Variants in SUDS3 observed in about 807,000 individuals in gnomAD.
SUDS3 encodes SIN3A corepressor complex component SDS3, also known as sin3 histone deacetylase corepressor complex component SDS3.
Under a neutral mutation model 53.5 loss-of-function variants are expected in SUDS3, and 23 were observed. That is an observed-to-expected ratio of 0.43 (90% confidence interval 0.31 to 0.61). SUDS3 has a LOEUF of 0.61. Ranked by LOEUF, SUDS3 falls within the 20% of genes least tolerant of loss-of-function variation. The pLI, the probability that SUDS3 is intolerant of heterozygous loss-of-function variation, is 0.10. For synonymous variants in SUDS3, 150 were observed against 148.5 expected (o/e 1.01, Z -0.08); for missense variants, 291 against 405.9 (o/e 0.72, Z 2.43).
At chr12:118,398,470 G>GGT (rs143847475) in intron 6 of SUDS3, among the ~76,000 whole-genome samples, 4,131 of 150,922 alleles carry the variant, frequency 0.027, 185 homozygotes, top group African/African-American at 0.092. Context: ...ACTTGTTTCT[G>GGT]GTGTGTGTGT....
intron 10 of SUDS3, among the ~76,000 whole-genome samples, chr12:118,407,055 C>A (rs767952540): frequency 6.6e-5 from 10 of 151,838 alleles, no homozygotes; most frequent in Non-Finnish European, 1.5e-4. Context: ...CATTACCATG[C>A]CTGGCTAATG....
Position 118,376,672 on chromosome 12 carries a change from C to T in SUDS3, c.-20C>T, listed in dbSNP as rs1225386368. The T allele has an allele frequency of 4.1e-6, 6 of 1,467,190 alleles. No homozygotes were observed. Among genetic ancestry groups the T allele is most frequent in the African/African-American group, 3.0e-5 (2 of 67,778 alleles). 90.9% of individuals were successfully genotyped at this position (1,467,190 alleles called of 1,614,324 possible). A position where few individuals can be genotyped will look rare whatever the true frequency, so the allele number is the denominator to read the frequency against. On this transcript the variant is annotated 5_prime_UTR_variant, in exon 1 of 12. Coordinates refer to ENST00000543473, the MANE Select transcript of SUDS3 (RefSeq NM_022491.3). ...GGCCGCGGTGTCCGTGGGCCACGCT[C>T]AGCTGCGGTCAGAGGCGACATGAGT...
rs1242359207 is a variant in SUDS3, at chr12:118,416,108, G to A, written c.*1675G>A. The A allele has an allele frequency of 6.6e-6, 1 of 152,178 alleles. No individual in the cohort carries two copies. The highest frequency in any genetic ancestry group is 2.4e-5 in the African/African-American group (1 of 41,454). 9.4% of individuals were successfully genotyped at this position (152,178 alleles called of 1,614,324 possible). ...AGGCTTCACCTGTTCTTGTTTGTTAGCCTTGACTGTGAGGCAGGACTTCCC... is the reference window on the plus strand; with the variant it reads ...AGGCTTCACCTGTTCTTGTTTGTTAACCTTGACTGTGAGGCAGGACTTCCC... On this transcript the variant is annotated 3_prime_UTR_variant, in exon 12 of 12. Transcript: ENST00000543473.
At chr12:118,390,713 T>C (rs1400215743) in intron 5 of SUDS3, among the ~76,000 whole-genome samples, 1 of 152,232 alleles carries the variant, frequency 6.6e-6, no homozygotes, top group African/African-American at 2.4e-5. Context: ...ATGTATACTT[T>C]GGGGTTCAGG....
In SUDS3 at chr12:118,380,200, G is replaced by A. The variant is rs751330932; in HGVS notation, c.181G>A (p.Asp61Asn). The change falls in exon 2 of 12, where the codon GAT becomes AAT. Residue 61 changes from aspartate to asparagine, a missense_variant. Around this residue, in one of 4 missense-constraint regions of SUDS3, gnomAD observed 149 missense variants for 146.5 expected, o/e 1.02. Transcript: ENST00000543473. ...TAGTGAAACTGACCTGGCAAAGCAT[G>A]ATGAAGAAGACTATGTAGAAATGAA... ...DASETDLAKHDEEDYVEMKEQ... is the reference protein window; with the variant it reads ...DASETDLAKHNEEDYVEMKEQ... The A allele has an allele frequency of 6.2e-7, 1 of 1,608,966 alleles. No homozygotes were observed. Among genetic ancestry groups the A allele is most frequent in the Non-Finnish European group, 8.5e-7 (1 of 1,177,700 alleles).
At chr12:118,382,577 G>A (rs1399194105) in intron 2 of SUDS3, among the ~76,000 whole-genome samples, 1 of 152,000 alleles carries the variant, frequency 6.6e-6, no homozygotes, top group Non-Finnish European at 1.5e-5. Flanking sequence ...GTGTTGCCCA[G>A]GCTGGTCTTG....
At chr12:118,378,315 CTG>C (rs779076492) in intron 1 of SUDS3, among the ~76,000 whole-genome samples, 2 of 152,112 alleles carry the variant, frequency 1.3e-5, no homozygotes, top group Non-Finnish European at 2.9e-5. Context: ...CTCTGCGTAT[CTG>C]TGGGTTCTGC....
At chr12:118,400,260 C>T (rs1566205508) in intron 6 of SUDS3, among the ~76,000 whole-genome samples, 1 of 152,172 alleles carries the variant, frequency 6.6e-6, no homozygotes, top group African/African-American at 2.4e-5. Flanking sequence ...AGCACACCCA[C>T]CCTCTTTGGG....
At chr12:118,392,706 C>T (rs1215099801) in intron 6 of SUDS3, among the ~76,000 whole-genome samples, 2 of 152,208 alleles carry the variant, frequency 1.3e-5, no homozygotes, top group Admixed American at 6.5e-5. Context: ...CTGTGACTGG[C>T]ATTGATGCCT....
At position 118,389,911 on chromosome 12, in the gene SUDS3, T is replaced by C. The variant is rs563131774; in HGVS notation, c.341-16T>C. 5.6e-6 allele frequency: 9 copies of C among 1,614,048 alleles called. No individual in the cohort carries two copies. Among genetic ancestry groups the C allele is most frequent in the Non-Finnish European group, 6.8e-6 (8 of 1,179,882 alleles). ...CACAGCCTAGCAAATCTAATTGCACTTTTTATCTCTTGCAGAACTCTTCCT... is the reference window on the plus strand; with the variant it reads ...CACAGCCTAGCAAATCTAATTGCACCTTTTATCTCTTGCAGAACTCTTCCT... On this transcript the variant is annotated splice_polypyrimidine_tract_variant and intron_variant, in intron 4 of 11. Transcript: ENST00000543473.
rs554846126 is a variant in SUDS3 at position 118,417,072 on chromosome 12, C to G, written c.*2639C>G. 6.6e-6 allele frequency: 1 copy of G among 152,336 alleles called. No individual in the cohort carries two copies. Among genetic ancestry groups the G allele is most frequent in the East Asian group, 1.9e-4 (1 of 5,176 alleles). The allele number at this position is 152,336 out of a possible 1,614,324, so 9.4% of individuals were successfully genotyped here. A position where few individuals can be genotyped will look rare whatever the true frequency, so the allele number is the denominator to read the frequency against. ...GGGGTTTTGTGTGTTCCCCTCCCCCCATGCCCTGCCTACCCCCTTTTCCCT... is the reference window on the plus strand; with the variant it reads ...GGGGTTTTGTGTGTTCCCCTCCCCCGATGCCCTGCCTACCCCCTTTTCCCT... On this transcript the variant is annotated 3_prime_UTR_variant, in exon 12 of 12. Coordinates refer to ENST00000543473, the MANE Select transcript of SUDS3 (RefSeq NM_022491.3).
At chr12:118,379,913 C>T (rs980519343) in intron 1 of SUDS3, among the ~76,000 whole-genome samples, 5 of 152,176 alleles carry the variant, frequency 3.3e-5, no homozygotes, top group African/African-American at 1.2e-4. Flanking sequence ...GGTTCCAGGA[C>T]TTCATGGATA....
chr12:118,414,149 G>A lies in SUDS3; in HGVS notation c.889-186G>A, dbSNP rs575889411. ...TTCAAGGCTGATGCCTGTTCCCAGCGGCATGCCTTTAGATGGCCCGAGGTC... is the reference window on the plus strand; with the variant it reads ...TTCAAGGCTGATGCCTGTTCCCAGCAGCATGCCTTTAGATGGCCCGAGGTC... On this transcript the variant is annotated intron_variant, in intron 11 of 11. Coordinates refer to ENST00000543473, the MANE Select transcript of SUDS3 (RefSeq NM_022491.3). Among the ~76,000 whole-genome samples the A allele has an allele frequency of 1.1e-4, 16 of 152,298 alleles. No homozygotes were observed. In the South Asian group the frequency reaches 2.5e-3, roughly 24 times the overall value.
At chr12:118,404,966 C>G (rs1342612416) in intron 10 of SUDS3, among the ~76,000 whole-genome samples, 1 of 152,146 alleles carries the variant, frequency 6.6e-6, no homozygotes, top group Non-Finnish European at 1.5e-5. Context: ...AGTTAATTGC[C>G]CAGTAGATGC....
chr12:118,393,817 T>C (rs1229713674), intron 6 of SUDS3, among the ~76,000 whole-genome samples: 1 of 152,002 alleles, frequency 6.6e-6, no homozygotes, highest in Non-Finnish European at 1.5e-5. Flanking sequence ...ATTACAGGCA[T>C]GCACCACCAC....
chr12:118,380,720 T>C (rs993604938), intron 2 of SUDS3, among the ~76,000 whole-genome samples: 1 of 152,232 alleles, frequency 6.6e-6, no homozygotes, highest in African/African-American at 2.4e-5. Flanking sequence ...CTCTTTTTTT[T>C]CCTTGAGACA....
At position 118,417,439 on chromosome 12, in the gene SUDS3, T is replaced by C. The variant is rs1251568554; in HGVS notation, c.*3006T>C. 2 of 152,186 alleles carry C rather than the reference T, an allele frequency of 1.3e-5. No homozygotes were observed. The highest frequency in any genetic ancestry group is 1.5e-5 in the Non-Finnish European group (1 of 68,028). The allele number at this position is 152,186 out of a possible 1,614,324, so 9.4% of individuals were successfully genotyped here. ...GTTTGGCTTCCTTCTCACATTTCTT[T>C]AGCTTTGAATTTTTACTAAATAAAT... On this transcript the variant is annotated 3_prime_UTR_variant, in exon 12 of 12. Transcript: ENST00000543473.
chr12:118,411,703 A>T (rs1304379842), intron 11 of SUDS3, among the ~76,000 whole-genome samples: 2 of 151,894 alleles, frequency 1.3e-5, no homozygotes, highest in Non-Finnish European at 2.9e-5. Flanking sequence ...GGGTTTCACC[A>T]CGTTGGTCAG....
At chr12:118,396,598 TA>T (rs1469291809) in intron 6 of SUDS3, among the ~76,000 whole-genome samples, 1 of 152,204 alleles carries the variant, frequency 6.6e-6, no homozygotes, top group East Asian at 1.9e-4. Context: ...TCACTGCAAT[TA>T]ATATTTTTCC....
Sources: allele counts gnomAD v4.1 joint callset (sites outside exome capture counted in the v4.1 genomes callset), GRCh38; gene constraint gnomAD v4.1.1; regional missense constraint gnomAD v4.1.1; transcripts MANE v1.5; gene names NCBI Gene and HGNC (gene_info 2026-07-23, HGNC 2026-07-21).